The following AAMDC variants were observed in gnomAD, a reference collection of about 807,000 sequenced individuals.
AAMDC encodes the protein adipogenesis associated Mth938 domain containing.
A neutral mutation model predicts 15.5 loss-of-function variants in AAMDC; 16 were observed. The observed-to-expected ratio is 1.03, with a 90% CI of 0.70 to 1.57. AAMDC has a LOEUF of 1.57. Among genes scored for constraint, AAMDC ranks in the 40% most tolerant of loss-of-function variants. The pLI, the probability that AAMDC is intolerant of heterozygous loss-of-function variation, is 0.00. For synonymous variants in AAMDC, 51 were observed against 51.6 expected, an observed-to-expected ratio of 0.99 and a Z score of 0.05; for missense variants, 141 against 144.9, an observed-to-expected ratio of 0.97 and a Z score of 0.14.
chr11:77,868,989 G>C (rs1485411331), intron 2 of AAMDC: 3 of 308,042 alleles, frequency 9.7e-6, no homozygotes, highest in Non-Finnish European at 1.8e-5. Flanking sequence ...CAGCACGTTG[G>C]GTAATACCGT....
chr11:77,824,777 A>G, intron 1 of AAMDC, among the ~76,000 whole-genome samples: 1 of 152,216 alleles, frequency 6.6e-6, no homozygotes, highest in East Asian at 1.9e-4. Context: ...TTGATTGGCA[A>G]GTTTATTTCT....
chr11:77,891,465 G>A lies in AAMDC; in HGVS notation c.329-9106G>A, dbSNP rs372680879. On this transcript the variant is annotated intron_variant, in intron 5 of 5. Coordinates refer to the AAMDC transcript ENST00000304716. The stretch of plus-strand genomic sequence containing the variant: ...ATGGTGGCTGAGGCTTTGTGGATCT[G>A]TAAGCAAGAGGAAAATCCTATGATT... The A allele has an allele frequency of 4.9e-5, 79 of 1,613,530 alleles. No homozygotes were observed. The African/African-American group carries it at 8.5e-4, about 17-fold the overall frequency.
chr11:77,883,075 A>AACTAAT (rs1555017157), intron 5 of AAMDC, among the ~76,000 whole-genome samples: 1 of 148,268 alleles, frequency 6.7e-6, no homozygotes, highest in Non-Finnish European at 1.5e-5. Flanking sequence ...CTCCGTCTCA[A>AACTAAT]AATAATAATA....
At chr11:77,875,999 TCCACTGAAAG>T (rs1458016831), downstream of AAMDC, among the ~76,000 whole-genome samples, 3 of 152,114 alleles carry the variant, frequency 2.0e-5, no homozygotes, top group Non-Finnish European at 2.9e-5. Context: ...TGAGCAGTGA[TCCACTGAAAG>T]GGACTGAGCA....
intron 1 of AAMDC, chr11:77,829,619 G>A (rs1192253400): frequency 2.0e-5 from 3 of 152,224 alleles, no homozygotes; most frequent in African/African-American, 2.4e-5. Flanking sequence ...TGTTTCAGAC[G>A]ACTACATTTG....
At chr11:77,853,761 T>A (rs963408585) in intron 2 of AAMDC, among the ~76,000 whole-genome samples, 3 of 151,874 alleles carry the variant, frequency 2.0e-5, no homozygotes, top group African/African-American at 7.3e-5. Flanking sequence ...GCCAACATGA[T>A]GAAACCCTGT....
intron 5 of AAMDC, among the ~76,000 whole-genome samples, chr11:77,898,226 C>A (rs1173515249): frequency 6.6e-6 from 1 of 152,056 alleles, no homozygotes; most frequent in African/African-American, 2.4e-5. Flanking sequence ...TGCAGTGGTG[C>A]GATCTCGGCT....
At chr11:77,823,950 C>A (rs1949056816) in intron 1 of AAMDC, among the ~76,000 whole-genome samples, 1 of 150,648 alleles carries the variant, frequency 6.6e-6, no homozygotes, top group African/African-American at 2.4e-5. Flanking sequence ...CTATAGTTTT[C>A]TTTTCTCACT....
chr11:77,891,767 T>C lies in AAMDC; in HGVS notation c.329-8804T>C, dbSNP rs755290472. 3.1e-6 allele frequency: 5 copies of C among 1,611,904 alleles called. No homozygotes were observed. Among genetic ancestry groups the C allele is most frequent in the Non-Finnish European group, 3.4e-6 (4 of 1,179,870 alleles). On this transcript the variant is annotated intron_variant, in intron 5 of 5. Coordinates refer to the AAMDC transcript ENST00000304716. ...ACCACTTCTGCAGGTTTGGATGTCA[T>C]GAGTCGGGGCATAAGGTCAAGGAGT...
At chr11:77,901,425 G>C (rs764240706), downstream of AAMDC, 1 of 1,613,750 alleles carries the variant, frequency 6.2e-7, no homozygotes, top group Non-Finnish European at 8.5e-7. Context: ...TCTTACCCTC[G>C]TGTAGTTCGT....
intron 1 of AAMDC, among the ~76,000 whole-genome samples, chr11:77,835,233 C>T (rs1400868199): frequency 6.6e-6 from 1 of 152,136 alleles, no homozygotes; most frequent in East Asian, 1.9e-4. Flanking sequence ...CAGACATATA[C>T]CCTTTGCCCC....
chr11:77,886,752 G>A (rs1023328304), intron 5 of AAMDC, among the ~76,000 whole-genome samples: 1 of 146,910 alleles, frequency 6.8e-6, no homozygotes, highest in East Asian at 2.0e-4. Flanking sequence ...GGAGGCGCCC[G>A]GCGAGGGGGC....
intron 5 of AAMDC, among the ~76,000 whole-genome samples, chr11:77,898,693 T>C (rs1952638725): frequency 6.6e-6 from 1 of 152,200 alleles, no homozygotes; most frequent in Non-Finnish European, 1.5e-5. Flanking sequence ...GTATTTATAA[T>C]GGATGTGACA....
At chr11:77,879,694 A>G (rs1565218614) in intron 5 of AAMDC, among the ~76,000 whole-genome samples, 1 of 152,156 alleles carries the variant, frequency 6.6e-6, no homozygotes, top group Non-Finnish European at 1.5e-5. Context: ...ATAATCATCT[A>G]GTGTCTCTAT....
chr11:77,842,458 A>G, intron 1 of AAMDC, 21 bp from the exon 2 acceptor site: 3 of 1,606,138 alleles, frequency 1.9e-6, no homozygotes, highest in Non-Finnish European at 1.7e-6. Flanking sequence ...CTGATTTAGT[A>G]TATTTTTCTT....
chr11:77,868,827 A>G (rs765245834), intron 2 of AAMDC: 56 of 206,500 alleles, frequency 2.7e-4, no homozygotes, highest in Non-Finnish European at 1.8e-4. Context: ...GAACCCGGGT[A>G]CCTTTCTCTC....
At chr11:77,871,697 C>T (rs591283) in intron 3 of AAMDC, among the ~76,000 whole-genome samples, 60,253 of 151,964 alleles carry the variant, frequency 0.4, 12,488 homozygotes, top group African/African-American at 0.5. Flanking sequence ...TCTTAGCTAG[C>T]ATGCGGCAAA....
chr11:77,880,217 A>T lies in AAMDC; in HGVS notation c.328+3168A>T, dbSNP rs574350754. ...TTCAGAGGGTAGGAATGAAGGCTAGATGGATCTAAATTAACAAGGGCAGAG... is the reference window on the plus strand; with the variant it reads ...TTCAGAGGGTAGGAATGAAGGCTAGTTGGATCTAAATTAACAAGGGCAGAG... On this transcript the variant is annotated intron_variant, in intron 5 of 5. Coordinates refer to the AAMDC transcript ENST00000304716. Among the ~76,000 whole-genome samples the T allele has an allele frequency of 5.9e-5, 9 of 152,286 alleles. No homozygotes were observed. The East Asian group carries it at 1.7e-3, about 29-fold the overall frequency.
intron 2 of AAMDC, chr11:77,850,950 TA>T (rs1950350851): frequency 7.0e-6 from 1 of 142,132 alleles, no homozygotes; most frequent in African/African-American, 2.7e-5. Context: ...GATACAATAA[TA>T]TCTTTTTTTT....
Sources: allele counts gnomAD v4.1 joint callset (sites outside exome capture counted in the v4.1 genomes callset), GRCh38; gene constraint gnomAD v4.1.1; transcripts MANE v1.5; gene names NCBI Gene and HGNC (gene_info 2026-07-23, HGNC 2026-07-21).